Variants in MTREX observed in about 807,000 individuals in gnomAD.
MTREX encodes the protein exosome RNA helicase MTR4.
A neutral mutation model predicts 135.4 loss-of-function variants in MTREX; 76 were observed. That is an observed-to-expected ratio of 0.56 (90% CI 0.47 to 0.68). The LOEUF is 0.68. MTREX is among the 30% of genes least tolerant of loss of function. The pLI, the probability that MTREX is intolerant of heterozygous loss-of-function variation, is 0.00. For synonymous variants in MTREX, 404 were observed against 401.6 expected (o/e 1.01, Z -0.07); for missense variants, 920 against 1,262.1 (o/e 0.73, Z 4.11).
intron 18 of MTREX, among the ~76,000 whole-genome samples, chr5:55,384,553 G>T (rs1470219364): frequency 6.6e-6 from 1 of 152,086 alleles, no homozygotes; most frequent in Admixed American, 6.5e-5. Context: ...TGTTCTATGG[G>T]TCATAACTTT....
chr5:55,407,015 A>G (rs1257047305), intron 22 of MTREX, among the ~76,000 whole-genome samples: 1 of 152,224 alleles, frequency 6.6e-6, no homozygotes, highest in African/African-American at 2.4e-5. Flanking sequence ...CTGAAGATAT[A>G]TCTTGTTTTG....
chr5:55,385,227 T>C (rs958939082), intron 18 of MTREX, among the ~76,000 whole-genome samples: 1 of 152,048 alleles, frequency 6.6e-6, no homozygotes, highest in Non-Finnish European at 1.5e-5. Flanking sequence ...AGGGTTGGGG[T>C]GTAGCCTCAG....
chr5:55,410,476 G>T (rs1750869648), intron 22 of MTREX, 48 bp from the exon 23 acceptor site: 1 of 1,106,678 alleles, frequency 9.0e-7, no homozygotes, highest in East Asian at 2.4e-5. Context: ...GTGTGTGCAT[G>T]TGTGTCTTTA....
At chr5:55,422,844 C>T (rs755888828) in intron 25 of MTREX, 34 bp from the exon 26 acceptor site, 83 of 1,558,586 alleles carry the variant, frequency 5.3e-5, no homozygotes, top group Non-Finnish European at 7.1e-5. Context: ...TGATTATTTC[C>T]ATTTTACCAG....
At chr5:55,410,735 G>A in intron 23 of MTREX, 106 bp downstream of exon 23, 1 of 532,662 alleles carries the variant, frequency 1.9e-6, no homozygotes, top group Non-Finnish European at 3.1e-6. Context: ...ATATTATAAG[G>A]TAATGTTAAT....
At chr5:55,380,850 C>T (rs1579882724) in intron 18 of MTREX, among the ~76,000 whole-genome samples, 2 of 151,904 alleles carry the variant, frequency 1.3e-5, no homozygotes, top group South Asian at 2.1e-4. Flanking sequence ...CCCTTTTCTT[C>T]CATTTTTTGG....
chr5:55,359,269 A>G (rs1749970739), intron 15 of MTREX, among the ~76,000 whole-genome samples: 2 of 152,202 alleles, frequency 1.3e-5, no homozygotes, highest in African/African-American at 2.4e-5. Flanking sequence ...AGAGCTTCTC[A>G]AGGAAGATTG....
intron 5 of MTREX, among the ~76,000 whole-genome samples, chr5:55,339,365 T>C (rs1269094708): frequency 1.3e-5 from 2 of 152,224 alleles, no homozygotes; most frequent in Non-Finnish European, 2.9e-5. Flanking sequence ...ATGAATGTTA[T>C]TTTTATTTCC....
intron 5 of MTREX, among the ~76,000 whole-genome samples, chr5:55,330,662 G>GT (rs200025624): frequency 7.7e-4 from 112 of 144,802 alleles, no homozygotes; most frequent in Non-Finnish European, 1.1e-3. Flanking sequence ...GACTGAGATA[G>GT]TTTTTTTTTT....
chr5:55,350,270 T>C (rs1350789092), intron 12 of MTREX, among the ~76,000 whole-genome samples: 1 of 152,202 alleles, frequency 6.6e-6, no homozygotes, highest in Non-Finnish European at 1.5e-5. Flanking sequence ...ATCATCATAC[T>C]CTCCTTTACA....
At chr5:55,414,377 A>T in intron 24 of MTREX, 139 bp downstream of exon 24, 1 of 658,242 alleles carries the variant, frequency 1.5e-6, no homozygotes, top group Non-Finnish European at 2.4e-6. Context: ...ACTTGATGTC[A>T]GTCATGTAAT....
intron 10 of MTREX, among the ~76,000 whole-genome samples, chr5:55,346,318 C>T (rs1023993320): frequency 1.3e-5 from 2 of 152,160 alleles, no homozygotes; most frequent in East Asian, 1.9e-4. Context: ...TTCTCTATAT[C>T]CTTTGTATCA....
chr5:55,417,247 G>A (rs141063212), intron 25 of MTREX, among the ~76,000 whole-genome samples: 3 of 152,154 alleles, frequency 2.0e-5, no homozygotes, highest in Non-Finnish European at 4.4e-5. Flanking sequence ...TCATTGCCCA[G>A]TAAGTACTAT....
At chr5:55,337,910 T>C (rs1389608032) in intron 5 of MTREX, among the ~76,000 whole-genome samples, 1 of 152,112 alleles carries the variant, frequency 6.6e-6, no homozygotes, top group Admixed American at 6.6e-5. Context: ...TTTTTAGTGG[T>C]TATTTTGGGG....
intron 6 of MTREX, 56 bp from the exon 7 acceptor site, chr5:55,341,621 TCTAA>T (rs1372178902): frequency 7.2e-6 from 6 of 834,560 alleles, no homozygotes; most frequent in Non-Finnish European, 1.1e-5. Flanking sequence ...ACAACTTTTC[TCTAA>T]CTATTAGCTG....
chr5:55,363,410 C>G (rs1173002472), intron 15 of MTREX, among the ~76,000 whole-genome samples: 1 of 152,040 alleles, frequency 6.6e-6, no homozygotes, highest in Non-Finnish European at 1.5e-5. Flanking sequence ...ATGTTTGGCT[C>G]TCTCAATCTT....
chr5:55,392,448 C>T (rs866340782), intron 19 of MTREX, among the ~76,000 whole-genome samples: 25 of 149,928 alleles, frequency 1.7e-4, no homozygotes, highest in African/African-American at 5.9e-4. Context: ...GAGGCTGAGG[C>T]AGGAGACTTA....
At chr5:55,337,965 A>G (rs890062850) in intron 5 of MTREX, among the ~76,000 whole-genome samples, 1 of 152,076 alleles carries the variant, frequency 6.6e-6, no homozygotes, top group Non-Finnish European at 1.5e-5. Context: ...CAATTTATGG[A>G]AAATATTGAA....
At chr5:55,326,665 T>C (rs1749383405) in intron 3 of MTREX, among the ~76,000 whole-genome samples, 1 of 152,186 alleles carries the variant, frequency 6.6e-6, no homozygotes, top group Non-Finnish European at 1.5e-5. Context: ...TTCTTGGTTG[T>C]GTCTTATCCT....
Sources: allele counts gnomAD v4.1 joint callset (sites outside exome capture counted in the v4.1 genomes callset), GRCh38; gene constraint gnomAD v4.1.1; transcripts MANE v1.5; gene names NCBI Gene and HGNC (gene_info 2026-07-23, HGNC 2026-07-21).